Variants in TRMT2B observed in about 807,000 individuals in gnomAD.
The protein encoded by TRMT2B is tRNA (uracil-5-)-methyltransferase homolog B.
In TRMT2B, 34 loss-of-function variants were observed where a neutral mutation model predicts 39.7. That is an observed-to-expected ratio of 0.86 (90% CI 0.65 to 1.14). TRMT2B has a LOEUF of 1.14. Ranked by LOEUF, TRMT2B falls within the 50% of genes most tolerant of loss-of-function variation. The pLI is 0.00. For missense variants in TRMT2B, 318 were observed against 377.2 expected, an observed-to-expected ratio of 0.84 and a Z score of 1.30; for synonymous variants, 132 against 137.3, an observed-to-expected ratio of 0.96 and a Z score of 0.27.
At chrX:101,013,948 G>A (rs1399742804) in intron 13 of TRMT2B, among the ~76,000 whole-genome samples, 1 of 109,619 alleles carries the variant, frequency 9.1e-6, no homozygotes, top group African/African-American at 3.3e-5. Context: ...TTAGCCTGGT[G>A]TGGTGACTCA....
rs777851419 is a variant in TRMT2B, at chrX:101,033,127, G to C, written c.609+2486C>G. ...AAAAATTAGCTGGGAGTGGTGGCGG[G>C]CCCCTATAATCCCAGCTACTTGGGA... On this transcript the variant is annotated intron_variant, in intron 7 of 13. Coordinates refer to ENST00000372936, the MANE Select transcript of TRMT2B (RefSeq NM_024917.6). 1.1e-3 allele frequency among the ~76,000 whole-genome samples: 123 copies of C among 107,548 alleles called. 1 individual carries two copies. Among genetic ancestry groups the C allele is most frequent in the Non-Finnish European group, 3.8e-4 (20 of 52,123 alleles). The allele number at this position is 107,548 out of a possible 115,157, so 93.4% of individuals were successfully genotyped here. A position where few individuals can be genotyped will look rare whatever the true frequency, so the allele number is the denominator to read the frequency against.
chrX:101,047,596 C>A (rs1399596820), intron 2 of TRMT2B, among the ~76,000 whole-genome samples: 1 of 109,995 alleles, frequency 9.1e-6, no homozygotes, highest in Non-Finnish European at 1.9e-5. Flanking sequence ...CTTTGGGAGG[C>A]CAAGGTAGGC....
the TRMT2B span, among the ~76,000 whole-genome samples, chrX:100,996,273 G>A: frequency 8.9e-6 from 1 of 112,162 alleles, no homozygotes; most frequent in Non-Finnish European, 1.9e-5. Flanking sequence ...TGGGAAGGGT[G>A]GAGCGGGGAG....
the TRMT2B span, among the ~76,000 whole-genome samples, chrX:100,991,555 T>C: frequency 1.8e-4 from 20 of 111,150 alleles, no homozygotes; most frequent in African/African-American, 6.5e-4. Flanking sequence ...TTTGTATTTT[T>C]AGTAGAGACG....
At chrX:100,988,632 A>G in the TRMT2B span, 4 of 794,112 alleles carry the variant, frequency 5.0e-6, no homozygotes, top group South Asian at 3.0e-5. Flanking sequence ...TAGTATTCCA[A>G]TTTTGAGCCT....
rs555353689 is a variant in TRMT2B at position 101,042,138 on chromosome X, T to C, written c.152A>G (p.Asp51Gly). The C allele has an allele frequency of 7.5e-5, 91 of 1,210,583 alleles. No individual in the cohort carries two copies. The South Asian group carries it at 1.5e-3, about 20-fold the overall frequency. The change falls in exon 3 of 14, where the codon GAT becomes GGT. Residue 51 changes from aspartate (D) to glycine (G), a missense_variant. Coordinates refer to ENST00000372936, the MANE Select transcript of TRMT2B (RefSeq NM_024917.6). ...QLFLGTVCKG[D>G]FTRVIATKCQ... ...TTTCGTGGCTATCACACGGGTGAAA[T>C]CTCCCTTACATACTGTGCCCAGAAA...
the TRMT2B span, among the ~76,000 whole-genome samples, chrX:100,998,473 TG>T: frequency 9.9e-6 from 1 of 100,855 alleles, no homozygotes; most frequent in East Asian, 3.1e-4. Context: ...AAGAATCACC[TG>T]AACCCAGGAG....
At chrX:100,984,118 G>GT in the TRMT2B span, among the ~76,000 whole-genome samples, 1,214 of 97,870 alleles carry the variant, frequency 0.012, 9 homozygotes, top group Non-Finnish European at 0.019. Context: ...TTTGTTTTTT[G>GT]TTTTTTTTTT....
At chrX:100,986,748 G>T in the TRMT2B span, 1 of 882,792 alleles carries the variant, frequency 1.1e-6, no homozygotes, top group Non-Finnish European at 1.6e-6. Context: ...CTTCTGTTTT[G>T]GTTTCACTCT....
chrX:100,979,175 A>G, the TRMT2B span, among the ~76,000 whole-genome samples: 1 of 111,818 alleles, frequency 8.9e-6, no homozygotes, highest in Admixed American at 9.5e-5. Context: ...TTACAGTATT[A>G]TAACAATATT....
chrX:101,041,161 G>A (rs2088212710), intron 4 of TRMT2B, among the ~76,000 whole-genome samples, 156 bp downstream of exon 4: 1 of 111,277 alleles, frequency 9.0e-6, no homozygotes, highest in East Asian at 2.8e-4. Context: ...CCGAGACTGC[G>A]CCACTGAACT....
chrX:101,033,864 CAG>C (rs1025547482), intron 7 of TRMT2B, among the ~76,000 whole-genome samples: 1 of 99,461 alleles, frequency 1.0e-5, no homozygotes, highest in Non-Finnish European at 2.0e-5. Context: ...TTTTTTGAGA[CAG>C]AGTTTCACTC....
chrX:101,048,113 T>TACACACACACACAC (rs56212711), intron 2 of TRMT2B, among the ~76,000 whole-genome samples: 2 of 90,394 alleles, frequency 2.2e-5, no homozygotes, highest in East Asian at 3.6e-4. Flanking sequence ...TTTATACACA[T>TACACACACACACAC]ACACACACAC....
the TRMT2B span, among the ~76,000 whole-genome samples, chrX:100,998,878 G>C: frequency 1.8e-5 from 2 of 111,494 alleles, no homozygotes; most frequent in African/African-American, 6.5e-5. Context: ...CACTGTGCTA[G>C]GTGTTACATA....
At chrX:101,049,235 G>A (rs2088889755) in intron 2 of TRMT2B, among the ~76,000 whole-genome samples, 1 of 110,655 alleles carries the variant, frequency 9.0e-6, no homozygotes, top group Non-Finnish European at 1.9e-5. Flanking sequence ...GCTTACAACT[G>A]TAACTCCCAG....
the TRMT2B span, chrX:100,990,482 C>A: frequency 9.9e-7 from 1 of 1,008,515 alleles, no homozygotes; most frequent in Non-Finnish European, 1.3e-6. Flanking sequence ...GATAATATTT[C>A]TACACTCCCC....
At position 101,018,982 on chromosome X, in the gene TRMT2B, C is replaced by T. The variant is rs1250127987; in HGVS notation, c.1377G>A (p.Arg459=). The change falls in exon 13 of 14, where the codon AGG becomes AGA. Residue 459 remains arginine, a synonymous_variant. Transcript: ENST00000372936. The stretch of plus-strand genomic sequence containing the variant: ...AAGTCAAGACTTACTCAATGACATT[C>T]CTAGTGGATTCACCATGGAGCTTGC... ...VSCKLHGEST[R]NVIELCCPPD... is the part of the protein sequence containing the mutation. 1 of 1,196,883 alleles carries T rather than the reference C, an allele frequency of 8.4e-7. No individual in the cohort carries two copies. Among genetic ancestry groups the T allele is most frequent in the Non-Finnish European group, 1.1e-6 (1 of 883,133 alleles).
At chrX:100,991,267 G>A in the TRMT2B span, among the ~76,000 whole-genome samples, 2 of 111,620 alleles carry the variant, frequency 1.8e-5, no homozygotes, top group Admixed American at 9.5e-5. Context: ...AGAAGATTTT[G>A]GATTTTGGAT....
chrX:101,033,310 G>A (rs1602614042), intron 7 of TRMT2B, among the ~76,000 whole-genome samples: 1 of 107,994 alleles, frequency 9.3e-6, no homozygotes, highest in East Asian at 2.9e-4. Flanking sequence ...AGAAAATGAA[G>A]GAGGCTGGGT....
Sources: allele counts gnomAD v4.1 joint callset (sites outside exome capture counted in the v4.1 genomes callset), GRCh38; gene constraint gnomAD v4.1.1; transcripts MANE v1.5; gene names NCBI Gene and HGNC (gene_info 2026-07-23, HGNC 2026-07-21).